Variants in GRIA3 observed in about 807,000 individuals in gnomAD.
The protein encoded by GRIA3 is glutamate ionotropic receptor AMPA type subunit 3.
GRIA3 carries 3 observed loss-of-function variants against 63.0 expected under a neutral mutation model. The observed-to-expected ratio is 0.05, with a 90% confidence interval of 0.02 to 0.12. The LOEUF (loss-of-function observed/expected upper bound fraction) is 0.12, where lower values mean the gene tolerates loss of function less well. Among genes scored for constraint, GRIA3 ranks in the 10% least tolerant of loss-of-function variants. GRIA3 has a pLI of 1.00. For missense variants in GRIA3, 347 were observed against 700.9 expected, an observed-to-expected ratio of 0.50 and a Z score of 5.70; for synonymous variants, 274 against 257.9, an observed-to-expected ratio of 1.06 and a Z score of -0.60.
At chrX:123,356,514 A>G (rs990717791) in intron 5 of GRIA3, among the ~76,000 whole-genome samples, 1 of 111,845 alleles carries the variant, frequency 8.9e-6, no homozygotes, top group Non-Finnish European at 1.9e-5. Flanking sequence ...TTTCCTTACT[A>G]TGTATTAGAA....
intron 12 of GRIA3, among the ~76,000 whole-genome samples, chrX:123,458,580 G>A (rs139683700): frequency 4.5e-5 from 5 of 111,282 alleles, no homozygotes; most frequent in African/African-American, 1.3e-4. Context: ...TTTTTAAGGC[G>A]CCTTCTAGCT....
At chrX:123,429,241 T>C (rs1344090223) in intron 12 of GRIA3, among the ~76,000 whole-genome samples, 2 of 112,259 alleles carry the variant, frequency 1.8e-5, no homozygotes, top group Non-Finnish European at 3.8e-5. Context: ...CATTTCTACA[T>C]GTATTATCAT....
At chrX:123,203,371 C>T (rs1468149616) in intron 2 of GRIA3, among the ~76,000 whole-genome samples, 1 of 111,798 alleles carries the variant, frequency 8.9e-6, no homozygotes, top group Non-Finnish European at 1.9e-5. Context: ...GAGACTGCCC[C>T]CTCTTTAGGC....
chrX:123,276,774 G>C (rs1363374232), intron 3 of GRIA3, among the ~76,000 whole-genome samples: 1 of 111,589 alleles, frequency 9.0e-6, no homozygotes, highest in Admixed American at 9.5e-5. Context: ...TTTTCCTAAA[G>C]TATGTCATTA....
At chrX:123,331,104 A>C (rs1011306510) in intron 4 of GRIA3, among the ~76,000 whole-genome samples, 5 of 111,979 alleles carry the variant, frequency 4.5e-5, no homozygotes, top group Non-Finnish European at 7.5e-5. Context: ...AAGTCTCAGC[A>C]TATCCTCTGC....
rs918775047 is a variant in GRIA3 at position 123,319,881 on chromosome X, G to A, written c.509-6145G>A. Among the ~76,000 whole-genome samples, 3 of 109,837 alleles carry A rather than the reference G, an allele frequency of 2.7e-5. No individual in the cohort carries two copies. The South Asian group carries it at 1.2e-3, about 43-fold the overall frequency. On this transcript the variant is annotated intron_variant, in intron 3 of 15. Coordinates refer to ENST00000620443, the MANE Select transcript of GRIA3 (RefSeq NM_007325.5). ...TTGTATTGGGTAGCCCTTAGAATAG[G>A]TCAGTGATTCTCCACTCTGGCTGTA... is the stretch of plus-strand genomic sequence containing the variant.
Position 123,417,530 on chromosome X carries a change from C to A in GRIA3, c.1629C>A (p.Gly543=), listed in dbSNP as rs780335659. 1 of 1,208,197 alleles carries A rather than the reference C, an allele frequency of 8.3e-7. No homozygotes were observed. The highest frequency in any genetic ancestry group is 1.8e-5 in the African/African-American group (1 of 57,033). ...MIKKPQKSKP[G]VFSFLDPLAY... ...AGAAGCCTCAGAAATCAAAACCAGG[C>A]GTATTCTCATTTCTGGATCCCCTGG... The change falls in exon 11 of 16, where the codon GGC becomes GGA. Residue 543 remains glycine (G), a synonymous_variant. Coordinates refer to ENST00000620443, the MANE Select transcript of GRIA3 (RefSeq NM_007325.5).
At chrX:123,264,795 G>T (rs1049124782) in intron 3 of GRIA3, among the ~76,000 whole-genome samples, 1 of 111,814 alleles carries the variant, frequency 8.9e-6, no homozygotes, top group Non-Finnish European at 1.9e-5. Context: ...AGAGGAGCAT[G>T]GTGAGAATTT....
chrX:123,345,438 CAA>C (rs1491443928), intron 4 of GRIA3, among the ~76,000 whole-genome samples: 1 of 64,355 alleles, frequency 1.6e-5, no homozygotes, highest in Non-Finnish European at 2.6e-5. Flanking sequence ...CCCCCCTTCA[CAA>C]CACACACACA....
intron 12 of GRIA3, among the ~76,000 whole-genome samples, chrX:123,429,474 T>C (rs1050953537): frequency 8.9e-6 from 1 of 111,880 alleles, no homozygotes; most frequent in Non-Finnish European, 1.9e-5. Flanking sequence ...GTTGGTCCAA[T>C]GAAGACCCTC....
At chrX:123,347,341 C>T (rs1374808311) in intron 4 of GRIA3, among the ~76,000 whole-genome samples, 1 of 112,393 alleles carries the variant, frequency 8.9e-6, no homozygotes, top group Non-Finnish European at 1.9e-5. Context: ...ACTTAAATGA[C>T]ATGGCTCCCA....
chrX:123,377,080 GC>G (rs1408797996), intron 5 of GRIA3, among the ~76,000 whole-genome samples: 2 of 109,234 alleles, frequency 1.8e-5, no homozygotes, highest in African/African-American at 6.7e-5. Flanking sequence ...GACTATAGGC[GC>G]CCGCCACCAT....
intron 5 of GRIA3, among the ~76,000 whole-genome samples, chrX:123,364,973 G>T (rs891021263): frequency 1.8e-5 from 2 of 112,147 alleles, no homozygotes; most frequent in Admixed American, 1.9e-4. Context: ...GGTGAGGAGA[G>T]AGGGAATGAG....
intron 12 of GRIA3, among the ~76,000 whole-genome samples, chrX:123,458,372 G>C (rs1479957916): frequency 6.4e-5 from 7 of 109,390 alleles, no homozygotes; most frequent in Admixed American, 5.9e-4. Flanking sequence ...ATTCAAGCAG[G>C]AGACAGAAGT....
intron 3 of GRIA3, among the ~76,000 whole-genome samples, chrX:123,281,950 G>GGTAGTTGGTTGCCAACTACCTTATAGCA (rs2044588460): frequency 9.0e-6 from 1 of 111,237 alleles, no homozygotes. Context: ...GAGTTTATAA[G>GGTAGTTGGTTGCCAACTACCTTATAGCA]GTAGTTGGTT....
chrX:123,377,225 C>T (rs951877583), intron 5 of GRIA3, among the ~76,000 whole-genome samples: 4 of 111,494 alleles, frequency 3.6e-5, no homozygotes, highest in East Asian at 2.8e-4. Context: ...CGTGAGCCAC[C>T]GCGCCTGTCC....
At chrX:123,317,653 T>C (rs948373982) in intron 3 of GRIA3, among the ~76,000 whole-genome samples, 1 of 112,244 alleles carries the variant, frequency 8.9e-6, no homozygotes, top group African/African-American at 3.2e-5. Flanking sequence ...TGGGTTCCCA[T>C]GGTCGTGGGC....
intron 2 of GRIA3, among the ~76,000 whole-genome samples, chrX:123,249,623 G>A (rs184783054): frequency 1.2e-3 from 130 of 111,844 alleles, no homozygotes; most frequent in African/African-American, 4.1e-3. Context: ...TTGAAGGACA[G>A]TTGTACTTCT....
At chrX:123,277,969 T>C (rs1443452839) in intron 3 of GRIA3, among the ~76,000 whole-genome samples, 1 of 111,920 alleles carries the variant, frequency 8.9e-6, no homozygotes, top group Non-Finnish European at 1.9e-5. Flanking sequence ...CTTCCAGCTT[T>C]GAAATTCGAA....
Sources: allele counts gnomAD v4.1 joint callset (sites outside exome capture counted in the v4.1 genomes callset), GRCh38; gene constraint gnomAD v4.1.1; transcripts MANE v1.5; gene names NCBI Gene and HGNC (gene_info 2026-07-23, HGNC 2026-07-21).